Variants in NPTN observed in about 807,000 individuals in gnomAD.
The protein encoded by NPTN is SDR-1.
In NPTN, 5 loss-of-function variants were observed where a neutral mutation model predicts 42.7. The observed-to-expected ratio is 0.12, with a 90% CI of 0.06 to 0.25. The LOEUF is 0.25. NPTN is among the 10% of genes least tolerant of loss of function. The pLI is 1.00. For missense variants in NPTN, 307 were observed against 525.4 expected (o/e 0.58, Z 4.06); for synonymous variants, 180 against 201.9 (o/e 0.89, Z 0.92).
rs1896773881 is a variant in NPTN at position 73,595,117 on chromosome 15, G to A, written c.439+1905C>T. On this transcript the variant is annotated intron_variant, in intron 2 of 8. Coordinates refer to ENST00000345330, the MANE Select transcript of NPTN (RefSeq NM_012428.4). ...TTCTAAGTAAACTGGGGAATGCTAT[G>A]TATTCTCGGGATTGGTAGGTAGGTA... is the stretch of plus-strand genomic sequence containing the variant. Among the ~76,000 whole-genome samples the A allele has an allele frequency of 2.0e-5, 3 of 152,280 alleles. No homozygotes were observed. In the South Asian group the frequency reaches 6.2e-4, roughly 32 times the overall value.
intron 4 of NPTN, 113 bp downstream of exon 4, chr15:73,587,411 A>G: frequency 1.3e-6 from 1 of 746,478 alleles, no homozygotes; most frequent in East Asian, 2.6e-5. Flanking sequence ...CCACAACATT[A>G]TATTGTGTCT....
chr15:73,591,937 C>A, intron 3 of NPTN, 29 bp downstream of exon 3: 1 of 1,589,212 alleles, frequency 6.3e-7, no homozygotes, highest in Non-Finnish European at 8.6e-7. Context: ...CTCCCTCCCA[C>A]CTTCCCAGGA....
chr15:73,609,066 A>T (rs1897428987), intron 1 of NPTN, among the ~76,000 whole-genome samples: 1 of 152,138 alleles, frequency 6.6e-6, no homozygotes, highest in Admixed American at 6.5e-5. Flanking sequence ...TGAGAATGGA[A>T]CTTTCTACAT....
chr15:73,604,055 A>G (rs1248975557), intron 1 of NPTN, among the ~76,000 whole-genome samples: 1 of 152,224 alleles, frequency 6.6e-6, no homozygotes, highest in East Asian at 1.9e-4. Context: ...CTCCCTCAAC[A>G]AAAACTTTCA....
intron 1 of NPTN, among the ~76,000 whole-genome samples, chr15:73,612,439 G>C (rs75374253): frequency 1.4e-5 from 2 of 146,260 alleles, no homozygotes; most frequent in Non-Finnish European, 3.0e-5. Flanking sequence ...AAAAAAAAAG[G>C]AAGAAAAGAA....
At chr15:73,601,960 C>G (rs1419056753) in intron 1 of NPTN, among the ~76,000 whole-genome samples, 2 of 152,040 alleles carry the variant, frequency 1.3e-5, no homozygotes, top group Non-Finnish European at 2.9e-5. Context: ...AAGATGACAG[C>G]TGGGACTAGC....
At chr15:73,576,668 T>C (rs185128828) in intron 4 of NPTN, among the ~76,000 whole-genome samples, 5 of 152,232 alleles carry the variant, frequency 3.3e-5, no homozygotes, top group Admixed American at 6.5e-5. Flanking sequence ...CCCCAAGTTA[T>C]CTTGGGACCT....
At chr15:73,618,908 A>C (rs1897991660) in intron 1 of NPTN, among the ~76,000 whole-genome samples, 1 of 152,022 alleles carries the variant, frequency 6.6e-6, no homozygotes, top group Non-Finnish European at 1.5e-5. Flanking sequence ...TTTTTTAAAA[A>C]ATTAGCCGGG....
At chr15:73,588,412 A>G (rs1172640227) in intron 3 of NPTN, among the ~76,000 whole-genome samples, 1 of 152,182 alleles carries the variant, frequency 6.6e-6, no homozygotes, top group Non-Finnish European at 1.5e-5. Context: ...ACTTGCTAAC[A>G]GGACCCAGGC....
At chr15:73,603,603 T>C (rs886998662) in intron 1 of NPTN, among the ~76,000 whole-genome samples, 3 of 152,164 alleles carry the variant, frequency 2.0e-5, no homozygotes, top group African/African-American at 4.8e-5. Context: ...ATCTAAGATA[T>C]TATGAATAAT....
Position 73,580,400 on chromosome 15 carries a change from TTATATATATAA to T in NPTN, c.707-6616_707-6606del, listed in dbSNP as rs1196084665. Among the ~76,000 whole-genome samples the T allele has an allele frequency of 2.1e-3, 215 of 104,698 alleles. No individual in the cohort carries two copies. The Middle Eastern group carries it at 0.025, about 12-fold the overall frequency. The allele number at this position is 104,698 out of a possible 152,430, so 68.7% of individuals were successfully genotyped here. Reference sequence around the variant, plus strand: ...AAAGTAAAACTTTAAAATATATATATTATATATATAATATATATATAATATATATATAATAT... The same window carrying T: ...AAAGTAAAACTTTAAAATATATATATTATATATATAATATATATATAATAT... On this transcript the variant is annotated intron_variant, in intron 4 of 8. Transcript: ENST00000345330.
At position 73,563,512 on chromosome 15, in the gene NPTN, C is replaced by A. The variant is rs905035472; in HGVS notation, c.1115-255G>T. ...CACTTTGAATGCTTGTCATGAAAAACTGCAACTGTAGCGGACAGATAGGCT... is the reference window on the plus strand; with the variant it reads ...CACTTTGAATGCTTGTCATGAAAAAATGCAACTGTAGCGGACAGATAGGCT... On this transcript the variant is annotated intron_variant, in intron 6 of 8. Coordinates refer to ENST00000345330, the MANE Select transcript of NPTN (RefSeq NM_012428.4). 4 of 1,314,362 alleles carry A rather than the reference C, an allele frequency of 3.0e-6. No homozygotes were observed. The African/African-American group carries it at 6.0e-5, about 20-fold the overall frequency. 81.4% of individuals were successfully genotyped at this position (1,314,362 alleles called of 1,614,324 possible).
chr15:73,618,560 T>C (rs1447879437), intron 1 of NPTN, among the ~76,000 whole-genome samples: 5 of 152,100 alleles, frequency 3.3e-5, no homozygotes, highest in Non-Finnish European at 7.4e-5. Context: ...AAAATTAAGA[T>C]AGGAAAAATA....
chr15:73,622,546 G>C (rs891601638), intron 1 of NPTN, among the ~76,000 whole-genome samples: 6 of 146,982 alleles, frequency 4.1e-5, no homozygotes, highest in South Asian at 4.3e-4. Flanking sequence ...CCTTCTTCTC[G>C]AAAACAGCTT....
chr15:73,593,890 G>A (rs956462751), intron 2 of NPTN, among the ~76,000 whole-genome samples: 2 of 152,148 alleles, frequency 1.3e-5, no homozygotes, highest in African/African-American at 4.8e-5. Context: ...ACACGTTAGC[G>A]CAGTGGTGTC....
In NPTN at chr15:73,597,446, A is replaced by G. The variant is rs1896882998; in HGVS notation, c.92-77T>C. The G allele has an allele frequency of 8.8e-7, 1 of 1,131,964 alleles. No individual in the cohort carries two copies. The highest frequency in any genetic ancestry group is 1.2e-6 in the Non-Finnish European group (1 of 801,802). 70.1% of individuals were successfully genotyped at this position (1,131,964 alleles called of 1,614,324 possible). On this transcript the variant is annotated intron_variant, in intron 1 of 8. Transcript: ENST00000345330. This position sits in a 1 kb window ranked among gnomAD's most constrained non-coding sequence, Gnocchi z 6.3. ...AAAGAATCAACAGGTGTTAATAGTA[A>G]TTTAAAGAAAAGAAAAGAAAAAAGC...
intron 3 of NPTN, among the ~76,000 whole-genome samples, chr15:73,590,625 A>AT (rs1440267450): frequency 6.6e-6 from 1 of 151,208 alleles, no homozygotes; most frequent in East Asian, 1.9e-4. Context: ...AAAAAAAAAA[A>AT]TTACCCGGGT....
intron 1 of NPTN, among the ~76,000 whole-genome samples, chr15:73,622,941 C>T (rs1898207425): frequency 6.6e-6 from 1 of 152,194 alleles, no homozygotes; most frequent in African/African-American, 2.4e-5. Context: ...AGTGAGCTCC[C>T]ACCTCTACCA....
intron 4 of NPTN, among the ~76,000 whole-genome samples, chr15:73,584,356 C>T (rs940567452): frequency 6.6e-6 from 1 of 151,642 alleles, no homozygotes; most frequent in Non-Finnish European, 1.5e-5. Flanking sequence ...GTAAATGATA[C>T]CGGGATTTTT....
Sources: gnomAD v4.1 joint callset for allele counts (sites outside exome capture counted in the v4.1 genomes callset) on GRCh38, gnomAD v4.1.1 for gene constraint, Gnocchi (gnomAD v3.1) non-coding constraint, MANE v1.5 for transcripts, NCBI Gene and HGNC (gene_info 2026-07-23, HGNC 2026-07-21) for gene names.